RUVBL1: variants seen among roughly 807,000 people sequenced by gnomAD.
RUVBL1 encodes ruvB-like 1.
RUVBL1 carries 4 observed loss-of-function variants against 52.4 expected under a neutral mutation model. The observed-to-expected ratio is 0.08, with a 90% CI of 0.04 to 0.17. RUVBL1 has a LOEUF of 0.17. Ranked by LOEUF, RUVBL1 falls within the 10% of genes least tolerant of loss-of-function variation. The pLI is 1.00. For synonymous variants in RUVBL1, 217 were observed against 214.4 expected (o/e 1.01, Z -0.10); for missense variants, 298 against 572.8 (o/e 0.52, Z 4.90).
chr3:128,082,689 A>G lies in RUVBL1; in HGVS notation c.1120-115T>C. 1.1e-6 allele frequency: 1 copy of G among 871,752 alleles called. No homozygotes were observed. The highest frequency in any genetic ancestry group is 1.7e-6 in the Non-Finnish European group (1 of 576,246). The allele number at this position is 871,752 out of a possible 1,614,324, so 54.0% of individuals were successfully genotyped here. A position where few individuals can be genotyped will look rare whatever the true frequency, so the allele number is the denominator to read the frequency against. On this transcript the variant is annotated intron_variant, in intron 9 of 10. Transcript: ENST00000322623. The surrounding 1 kb of genome is among the most constrained non-coding windows in gnomAD (Gnocchi z 4.7). ...TCACTGTGCAGCATAAGAGAAACTG[A>G]GACCTGGGTTGGTGGGCAGGGAGCC...
intron 9 of RUVBL1, among the ~76,000 whole-genome samples, chr3:128,086,797 C>G (rs1001267334): frequency 6.6e-6 from 1 of 152,252 alleles, no homozygotes; most frequent in East Asian, 1.9e-4. Flanking sequence ...TGTGCTCTAG[C>G]TCCAAACCAA....
chr3:128,075,538 G>A (rs1490400048), intron 9 of RUVBL1, among the ~76,000 whole-genome samples: 2 of 152,186 alleles, frequency 1.3e-5, no homozygotes, highest in African/African-American at 2.4e-5. Flanking sequence ...GCATGCACGG[G>A]GGGACACACG....
chr3:128,146,706 T>C (rs1293716598), intron 1 of RUVBL1, among the ~76,000 whole-genome samples: 2 of 152,138 alleles, frequency 1.3e-5, no homozygotes, highest in African/African-American at 4.8e-5. Flanking sequence ...CATGTGTCTC[T>C]GTGCGTGTGC....
intron 2 of RUVBL1, among the ~76,000 whole-genome samples, chr3:128,113,418 G>A (rs571714356): frequency 2.0e-5 from 3 of 152,142 alleles, no homozygotes. Flanking sequence ...CTGGCAGCAG[G>A]ACTCCAAAGA....
intron 3 of RUVBL1, among the ~76,000 whole-genome samples, chr3:128,107,943 C>T (rs538703306): frequency 1.6e-4 from 25 of 152,154 alleles, no homozygotes; most frequent in Non-Finnish European, 3.4e-4. Flanking sequence ...AAGACATTCC[C>T]GTCTCTCACT....
intron 8 of RUVBL1, among the ~76,000 whole-genome samples, chr3:128,095,693 C>A (rs1347776110): frequency 2.0e-5 from 3 of 152,174 alleles, no homozygotes; most frequent in Non-Finnish European, 4.4e-5. Flanking sequence ...CACTACAGAA[C>A]CCCCATTGTG....
chr3:128,092,902 T>C (rs886738009), intron 8 of RUVBL1, among the ~76,000 whole-genome samples: 1 of 152,054 alleles, frequency 6.6e-6, no homozygotes, highest in African/African-American at 2.4e-5. Context: ...ATAGGCCAGG[T>C]GTGGTAGCTC....
intron 9 of RUVBL1, among the ~76,000 whole-genome samples, chr3:128,065,852 C>T (rs959048006): frequency 1.3e-5 from 2 of 148,942 alleles, no homozygotes; most frequent in African/African-American, 2.5e-5. Context: ...AGCGATTCTC[C>T]TGCCTCAGCC....
At position 128,067,831 on chromosome 3, in the gene RUVBL1, T is replaced by C; in HGVS notation, c.940-2611A>G. 1 of 730,940 alleles carries C rather than the reference T, an allele frequency of 1.4e-6. No homozygotes were observed. The highest frequency in any genetic ancestry group is 2.3e-5 in the Admixed American group (1 of 43,672). The allele number at this position is 730,940 out of a possible 1,614,324, so 45.3% of individuals were successfully genotyped here. A position where few individuals can be genotyped will look rare whatever the true frequency, so the allele number is the denominator to read the frequency against. On this transcript the variant is annotated intron_variant, in intron 9 of 9. Coordinates refer to the RUVBL1 transcript ENST00000464873. This position sits in a 1 kb window ranked among gnomAD's most constrained non-coding sequence, Gnocchi z 4.1. ...GAATCCACACTGTAAAGTTAGACTT[T>C]TTCATATGACTTCCTTGCGGCAGTT...
intron 1 of RUVBL1, among the ~76,000 whole-genome samples, chr3:128,148,706 T>C (rs1272638814): frequency 1.3e-5 from 2 of 152,216 alleles, no homozygotes; most frequent in African/African-American, 4.8e-5. Context: ...ATCTCTTATG[T>C]ATCCTTGTAG....
At chr3:128,125,093 CA>C (rs1405815893), upstream of RUVBL1, among the ~76,000 whole-genome samples, 1 of 134,780 alleles carries the variant, frequency 7.4e-6, no homozygotes, top group Non-Finnish European at 1.5e-5. Context: ...CGGCTCACTG[CA>C]AGCTCCGCCT....
At chr3:128,065,324 T>A in intron 9 of RUVBL1, 1 of 590,190 alleles carries the variant, frequency 1.7e-6, no homozygotes, top group Middle Eastern at 2.9e-4. Flanking sequence ...AGTTCTTAGT[T>A]CAAGAGAAGC....
downstream of RUVBL1, chr3:128,075,878 T>G (rs1438057580): frequency 6.6e-6 from 1 of 152,150 alleles, no homozygotes; most frequent in East Asian, 1.9e-4. Context: ...GGCCCTGAGA[T>G]CCCCACTGCC....
chr3:128,107,608 A>G (rs1943276006), intron 3 of RUVBL1, among the ~76,000 whole-genome samples: 1 of 152,224 alleles, frequency 6.6e-6, no homozygotes, highest in African/African-American at 2.4e-5. Flanking sequence ...TATTAAAGTT[A>G]AGGAAAAGTT....
chr3:128,113,132 C>T, intron 2 of RUVBL1, 112 bp from the exon 3 acceptor site: 1 of 1,210,636 alleles, frequency 8.3e-7, no homozygotes, highest in Non-Finnish European at 1.1e-6. Context: ...CTAGTCCTAC[C>T]ATTTAGCATG....
upstream of RUVBL1, among the ~76,000 whole-genome samples, chr3:128,124,244 G>A (rs1047199549): frequency 6.6e-5 from 10 of 151,428 alleles, no homozygotes; most frequent in African/African-American, 2.4e-4. Flanking sequence ...CCCTGGAAAG[G>A]CCCAGCTCAA....
intron 9 of RUVBL1, chr3:128,065,316 T>C (rs1159052537): frequency 1.7e-6 from 1 of 593,256 alleles, no homozygotes; most frequent in Non-Finnish European, 3.0e-6. Context: ...CATTTTTAAG[T>C]TCTTAGTTCA....
chr3:128,146,988 C>T (rs932421019), intron 1 of RUVBL1, among the ~76,000 whole-genome samples: 1 of 152,222 alleles, frequency 6.6e-6, no homozygotes, highest in African/African-American at 2.4e-5. Flanking sequence ...AGAACAAGAG[C>T]AGATGCAGGG....
intron 3 of RUVBL1, among the ~76,000 whole-genome samples, chr3:128,109,643 G>A (rs751550586): frequency 1.3e-4 from 19 of 151,664 alleles, no homozygotes; most frequent in Non-Finnish European, 1.8e-4. Flanking sequence ...ACAGGCACAC[G>A]TCACCACACC....
Sources: gnomAD v4.1 joint callset for allele counts (sites outside exome capture counted in the v4.1 genomes callset) on GRCh38, gnomAD v4.1.1 for gene constraint, Gnocchi (gnomAD v3.1) non-coding constraint, MANE v1.5 for transcripts, NCBI Gene and HGNC (gene_info 2026-07-23, HGNC 2026-07-21) for gene names.